The following ARHGEF15 variants were observed in gnomAD, a reference collection of about 807,000 sequenced individuals.
ARHGEF15 encodes the protein Rho guanine nucleotide exchange factor 15, also known as Rho guanine nucleotide exchange factor (GEF) 15.
A neutral mutation model predicts 79.7 loss-of-function variants in ARHGEF15; 58 were observed. The ratio of observed to expected loss-of-function variants is 0.73; its 90% CI spans 0.59 to 0.91. ARHGEF15 has a LOEUF of 0.91. Among genes scored for constraint, ARHGEF15 ranks in the 40% least tolerant of loss-of-function variants. The pLI is 0.00. For synonymous variants in ARHGEF15, 442 were observed against 456.0 expected (o/e 0.97, Z 0.39); for missense variants, 1,012 against 1,108.1 (o/e 0.91, Z 1.23).
In ARHGEF15 at chr17:8,318,936, C is replaced by G; in HGVS notation, c.2033+26C>G. On this transcript the variant is annotated intron_variant, in intron 12 of 15. Coordinates refer to ENST00000361926, the MANE Select transcript of ARHGEF15 (RefSeq NM_173728.4). This position sits in a 1 kb window ranked among gnomAD's most constrained non-coding sequence, Gnocchi z 5.0. ...GTGAGTCCTAGGGAAGGAAGGAGCC[C>G]AGGCTGGAGTGGGCAGGAGGGGTCC... 1 of 1,609,732 alleles carries G rather than the reference C, an allele frequency of 6.2e-7. No homozygotes were observed. The highest frequency in any genetic ancestry group is 8.5e-7 in the Non-Finnish European group (1 of 1,178,646).
chr17:8,314,061 G>A (rs4791668), intron 4 of ARHGEF15: 54,963 of 151,502 alleles, frequency 0.36, 10,379 homozygotes, highest in East Asian at 0.66. Context: ...AGCCTTCCTG[G>A]GTCTCAGTGT....
rs367882089 is a variant in ARHGEF15 at position 8,318,828 on chromosome 17, G to A, written c.1951G>A (p.Val651Met). The A allele has an allele frequency of 5.1e-5, 82 of 1,613,552 alleles. No individual in the cohort carries two copies. Among genetic ancestry groups the A allele is most frequent in the African/African-American group, 3.7e-4 (28 of 75,036 alleles). The stretch of plus-strand genomic sequence containing the variant: ...TGAGTTAGGGTGCCGGAGGGGGGGC[G>A]TGCTCTTTGCCTCGCGCCCCCGCTT... ...LTELGCRRGGVLFASRPRFTP... is the reference protein window; with the variant it reads ...LTELGCRRGGMLFASRPRFTP... Residue 651 changes from valine to methionine, a missense_variant, in exon 12 of 16, where the codon GTG becomes ATG. Transcript: ENST00000361926. The surrounding 1 kb of genome is among the most constrained non-coding windows in gnomAD (Gnocchi z 5.0).
chr17:8,314,771 G>T, intron 4 of ARHGEF15, 135 bp from the exon 5 acceptor site: 13 of 749,188 alleles, frequency 1.7e-5, no homozygotes, highest in East Asian at 3.2e-5. Flanking sequence ...AAAGCCTGAG[G>T]TTTGATTTGG....
Position 8,312,537 on chromosome 17 carries a change from G to A in ARHGEF15, c.498G>A (p.Gln166=). 3 of 1,609,862 alleles carry A rather than the reference G, an allele frequency of 1.9e-6. No homozygotes were observed. Among genetic ancestry groups the A allele is most frequent in the Non-Finnish European group, 2.5e-6 (3 of 1,177,810 alleles). The part of the protein sequence containing the change: ...RFEGGAEGRA[Q]DADAPEPGLQ... Reference sequence around the variant, plus strand: ...AAGGGGGTGCTGAAGGCCGGGCTCAGGATGCAGATGCCCCGGAGCCAGGTC... The same window carrying A: ...AAGGGGGTGCTGAAGGCCGGGCTCAAGATGCAGATGCCCCGGAGCCAGGTC... Residue 166 remains glutamine (Q), a synonymous_variant, in exon 2 of 16, where the codon CAG becomes CAA. Transcript: ENST00000361926.
chr17:8,316,040 C>T lies in ARHGEF15; in HGVS notation c.1596C>T (p.Ser532=), dbSNP rs777116829. 84 of 1,602,674 alleles carry T rather than the reference C, an allele frequency of 5.2e-5. No individual in the cohort carries two copies. In the South Asian group the frequency reaches 8.6e-4, roughly 16 times the overall value. Residue 532 remains serine, a synonymous_variant, in exon 9 of 16, where the codon TCC becomes TCT. Transcript: ENST00000361926. ...SRLMDTNVRF[S]AELRRLQSLP... ...GCAGGGACACCAACGTGCGCTTCTC[C>T]GCCGAGCTGCGCCGGCTGCAGAGCC...
intron 15 of ARHGEF15, 83 bp from the exon 16 acceptor site, chr17:8,320,759 C>T: frequency 1.6e-6 from 2 of 1,276,286 alleles, no homozygotes; most frequent in Non-Finnish European, 2.2e-6. Flanking sequence ...ACCCTGAAGG[C>T]CTGAGACCCC....
rs1367690885 is a variant in ARHGEF15 at position 8,322,426 on chromosome 17, C to T, written c.*1433C>T. ...AGACTCAGAGGGCGAAGAGCACTGGCATTTGGCATGTCCATGACATTGGAG... is the reference window on the plus strand; with the variant it reads ...AGACTCAGAGGGCGAAGAGCACTGGTATTTGGCATGTCCATGACATTGGAG... On this transcript the variant is annotated 3_prime_UTR_variant, in exon 16 of 16. Transcript: ENST00000361926. 1 of 152,376 alleles carries T rather than the reference C, an allele frequency of 6.6e-6. No homozygotes were observed. The highest frequency in any genetic ancestry group is 2.4e-5 in the African/African-American group (1 of 41,454). The allele number at this position is 152,376 out of a possible 1,614,324, so 9.4% of individuals were successfully genotyped here.
rs532546825 is a variant in ARHGEF15, at chr17:8,319,647, A to T, written c.2374+44A>T. The T allele has an allele frequency of 1.1e-5, 15 of 1,421,424 alleles. No homozygotes were observed. In the South Asian group the frequency reaches 1.1e-4, roughly 10 times the overall value. The allele number at this position is 1,421,424 out of a possible 1,614,324, so 88.1% of individuals were successfully genotyped here. A position where few individuals can be genotyped will look rare whatever the true frequency, so the allele number is the denominator to read the frequency against. ...TATTTATTTTGTATTTATTATTATT[A>T]TTTTTTGAGACAGAGTCTCATTCTG... On this transcript the variant is annotated intron_variant, in intron 15 of 15. Coordinates refer to ENST00000361926, the MANE Select transcript of ARHGEF15 (RefSeq NM_173728.4).
At position 8,318,795 on chromosome 17, in the gene ARHGEF15, G is replaced by A. The variant is rs375563358; in HGVS notation, c.1918G>A (p.Glu640Lys). 58 of 1,613,588 alleles carry A rather than the reference G, an allele frequency of 3.6e-5. No homozygotes were observed. In the African/African-American group the frequency reaches 6.8e-4, roughly 19 times the overall value. ...SWSRRLEFQG[E>K]LTELGCRRGG... ...GTCACGGCGCCTGGAATTCCAGGGA[G>A]AGCTGACTGAGTTAGGGTGCCGGAG... The change falls in exon 12 of 16, where the codon GAG (glutamate) becomes AAG (lysine). Residue 640 changes from glutamate to lysine, a missense_variant. By Grantham distance (56) the Glu-to-Lys change is moderately conservative (BLOSUM62 1). Transcript: ENST00000361926. The surrounding 1 kb of genome is among the most constrained non-coding windows in gnomAD (Gnocchi z 5.0).
rs1314586777 is a variant in ARHGEF15 at position 8,315,041 on chromosome 17, C to A, written c.1049-25C>A. On this transcript the variant is annotated intron_variant, in intron 5 of 15. Transcript: ENST00000361926. The surrounding 1 kb of genome is among the most constrained non-coding windows in gnomAD (Gnocchi z 4.3). ...AAGGGTTTGGGAGCCCTGGGCTTCC[C>A]TGAAGTGCTATGTTTGCCCTCTAGA... 1 of 1,613,348 alleles carries A rather than the reference C, an allele frequency of 6.2e-7. No individual in the cohort carries two copies.
Position 8,319,308 on chromosome 17 carries a change from C to G in ARHGEF15, c.2187-4C>G. Reference sequence around the variant, plus strand: ...ACTGTGACACTTCCCAATATCCCCACCAGATCAGACATGCAGCGCTGGCTG... The same window carrying G: ...ACTGTGACACTTCCCAATATCCCCAGCAGATCAGACATGCAGCGCTGGCTG... On this transcript the variant is annotated splice_region_variant and splice_polypyrimidine_tract_variant and intron_variant, in intron 13 of 15. Transcript: ENST00000361926. The G allele has an allele frequency of 1.2e-6, 2 of 1,613,628 alleles. No homozygotes were observed.
At chr17:8,320,674 C>G (rs1249757622) in intron 15 of ARHGEF15, among the ~76,000 whole-genome samples, 168 bp from the exon 16 acceptor site, 1 of 152,152 alleles carries the variant, frequency 6.6e-6, no homozygotes, top group Non-Finnish European at 1.5e-5. Flanking sequence ...TCTCTCCGAG[C>G]TGCTGTCACC....
At position 8,316,119 on chromosome 17, in the gene ARHGEF15, C is replaced by G. The variant is rs758564151; in HGVS notation, c.1675C>G (p.Arg559Gly). 5.6e-6 allele frequency: 9 copies of G among 1,603,106 alleles called. No individual in the cohort carries two copies. The highest frequency in any genetic ancestry group is 7.6e-6 in the Non-Finnish European group (9 of 1,179,270). The change falls in exon 9 of 16, where the codon CGC becomes GGC. Residue 559 changes from arginine (R) to glycine (G), a missense_variant. Physicochemically the swap from Arg to Gly is moderately radical, Grantham distance 125. Coordinates refer to ENST00000361926, the MANE Select transcript of ARHGEF15 (RefSeq NM_173728.4). ...GTCCTTCCTGCTACTGCCCTTCCAG[C>G]GCATCACCCGGCTGCGCATGCTGCT... is the stretch of plus-strand genomic sequence containing the variant. ...LPSFLLLPFQ[R>G]ITRLRMLLQN...
intron 13 of ARHGEF15, 35 bp from the exon 14 acceptor site, chr17:8,319,277 G>A (rs1380538321): frequency 6.2e-7 from 1 of 1,610,384 alleles, no homozygotes; most frequent in Non-Finnish European, 8.5e-7. Flanking sequence ...AGGATCTTTT[G>A]GGCCAACTGT....
intron 15 of ARHGEF15, among the ~76,000 whole-genome samples, chr17:8,320,290 T>C (rs1260922872): frequency 6.8e-6 from 1 of 147,648 alleles, no homozygotes; most frequent in Non-Finnish European, 1.5e-5. Flanking sequence ...AAAAAAAAAG[T>C]GAGCAGAGCA....
Position 8,311,998 on chromosome 17 carries a change from C to G in ARHGEF15, c.-42C>G. The stretch of plus-strand genomic sequence containing the variant: ...TCCCTCCCTCCTCCTCAGGGGATGA[C>G]TCCAGCAGAGCACCTCACTCCTTTG... On this transcript the variant is annotated 5_prime_UTR_variant, in exon 2 of 16. Transcript: ENST00000361926. 1.3e-6 allele frequency: 2 copies of G among 1,521,928 alleles called. No homozygotes were observed. The highest frequency in any genetic ancestry group is 1.8e-6 in the Non-Finnish European group (2 of 1,137,952). The allele number at this position is 1,521,928 out of a possible 1,614,324, so 94.3% of individuals were successfully genotyped here. A position where few individuals can be genotyped will look rare whatever the true frequency, so the allele number is the denominator to read the frequency against.
chr17:8,313,486 G>A lies in ARHGEF15; in HGVS notation c.935-15G>A. The A allele has an allele frequency of 6.2e-7, 1 of 1,609,064 alleles. No individual in the cohort carries two copies. Among genetic ancestry groups the A allele is most frequent in the South Asian group, 1.1e-5 (1 of 89,994 alleles). Reference sequence around the variant, plus strand: ...TGGAGTTTTTTTTTCTCTTCACTCTGGCTTCTCTCTCCAGGGGACAGTCCT... The same window carrying A: ...TGGAGTTTTTTTTTCTCTTCACTCTAGCTTCTCTCTCCAGGGGACAGTCCT... On this transcript the variant is annotated splice_polypyrimidine_tract_variant and intron_variant, in intron 3 of 15. Coordinates refer to ENST00000361926, the MANE Select transcript of ARHGEF15 (RefSeq NM_173728.4).
chr17:8,320,330 G>GT (rs1034640098), intron 15 of ARHGEF15, among the ~76,000 whole-genome samples: 3 of 152,068 alleles, frequency 2.0e-5, no homozygotes, highest in African/African-American at 7.2e-5. Flanking sequence ...GGGTTGGGCA[G>GT]ACTGAAATTT....
chr17:8,315,379 C>G lies in ARHGEF15; in HGVS notation c.1261-35C>G, dbSNP rs1904945532. 1 of 1,613,246 alleles carries G rather than the reference C, an allele frequency of 6.2e-7. No individual in the cohort carries two copies. The highest frequency in any genetic ancestry group is 1.3e-5 in the African/African-American group (1 of 74,848). On this transcript the variant is annotated intron_variant, in intron 6 of 15. Coordinates refer to ENST00000361926, the MANE Select transcript of ARHGEF15 (RefSeq NM_173728.4). The surrounding 1 kb of genome is among the most constrained non-coding windows in gnomAD (Gnocchi z 4.3). The stretch of plus-strand genomic sequence containing the variant: ...CAGGGTCCTAGCTTCCCACGGTGAA[C>G]TGGGCTTCCCACGACTGCCTGCTTT...
Sources: gnomAD v4.1 joint callset for allele counts (sites outside exome capture counted in the v4.1 genomes callset) on GRCh38, gnomAD v4.1.1 for gene constraint, Gnocchi (gnomAD v3.1) non-coding constraint, MANE v1.5 for transcripts, NCBI Gene and HGNC (gene_info 2026-07-23, HGNC 2026-07-21) for gene names.